Variants in SYTL5 observed in about 807,000 individuals in gnomAD.
SYTL5 encodes the protein synaptotagmin like 5.
In SYTL5, 34 loss-of-function variants were observed where a neutral mutation model predicts 55.9. That is an observed-to-expected ratio of 0.61 (90% confidence interval 0.46 to 0.81). The LOEUF is 0.81. SYTL5 is among the 30% of genes least tolerant of loss of function. SYTL5 has a pLI of 0.00. For synonymous variants in SYTL5, 221 were observed against 188.7 expected, an observed-to-expected ratio of 1.17 and a Z score of -1.40; for missense variants, 637 against 546.7, an observed-to-expected ratio of 1.17 and a Z score of -1.65.
In SYTL5 at chrX:38,089,203, C is replaced by T. The variant is rs193061221; in HGVS notation, c.690-243C>T. ...GAGAATGCTGGTAAGCAGAAGGAAA[C>T]AAAATCAGAAAGATGGGGTGAAGTT... On this transcript the variant is annotated intron_variant, in intron 6 of 16. Transcript: ENST00000297875. Among the ~76,000 whole-genome samples, 7 of 112,101 alleles carry T rather than the reference C, an allele frequency of 6.2e-5. No homozygotes were observed. The Admixed American group carries it at 6.6e-4, about 11-fold the overall frequency.
chrX:38,087,448 T>C (rs1296662583), intron 6 of SYTL5, among the ~76,000 whole-genome samples: 2 of 111,785 alleles, frequency 1.8e-5, no homozygotes, highest in Admixed American at 9.5e-5. Flanking sequence ...AGTGTATCAA[T>C]TTACTTAATC....
chrX:37,939,989 G>A, the SYTL5 span, among the ~76,000 whole-genome samples: 1 of 110,071 alleles, frequency 9.1e-6, no homozygotes, highest in Non-Finnish European at 1.9e-5. Flanking sequence ...GCGCCACCAT[G>A]CCCAGCTAAT....
At position 38,093,029 on chromosome X, in the gene SYTL5, T is replaced by C. The variant is rs373708836; in HGVS notation, c.832-1266T>C. On this transcript the variant is annotated intron_variant, in intron 7 of 16. Transcript: ENST00000297875. Reference sequence around the variant, plus strand: ...TCTTGCTTCATTAAAGGACTCCATGTGTGAACAACTTTTTGAAGAGGTGTT... The same window carrying C: ...TCTTGCTTCATTAAAGGACTCCATGCGTGAACAACTTTTTGAAGAGGTGTT... Among the ~76,000 whole-genome samples the C allele has an allele frequency of 2.7e-5, 3 of 112,095 alleles. No individual in the cohort carries two copies. The South Asian group carries it at 1.1e-3, about 42-fold the overall frequency.
At chrX:38,125,084 G>T (rs1937614458) in intron 15 of SYTL5, among the ~76,000 whole-genome samples, 1 of 111,695 alleles carries the variant, frequency 9.0e-6, no homozygotes, top group Admixed American at 9.5e-5. Flanking sequence ...TTTCAAGATG[G>T]AAGGAAGGAC....
chrX:38,074,123 C>G (rs754052767), intron 5 of SYTL5, among the ~76,000 whole-genome samples: 5 of 111,603 alleles, frequency 4.5e-5, no homozygotes, highest in Admixed American at 9.6e-5. Flanking sequence ...ACCATATTCC[C>G]TATTTAAAAT....
the SYTL5 span, among the ~76,000 whole-genome samples, chrX:37,890,048 G>A: frequency 9.0e-6 from 1 of 111,454 alleles, no homozygotes; most frequent in African/African-American, 3.3e-5. Flanking sequence ...AAGGCTGGAA[G>A]GTAACAAAAG....
chrX:37,996,781 T>C, the SYTL5 span, among the ~76,000 whole-genome samples: 21 of 111,652 alleles, frequency 1.9e-4, no homozygotes, highest in Non-Finnish European at 3.6e-4. Context: ...AGATCCTACA[T>C]GATGTAGCCT....
At chrX:37,915,990 CT>C in the SYTL5 span, among the ~76,000 whole-genome samples, 54 of 110,592 alleles carry the variant, frequency 4.9e-4, no homozygotes, top group African/African-American at 1.7e-3. Context: ...CCTCACAGAT[CT>C]TTTTTTTTAA....
chrX:38,027,849 G>T (rs1228159279), intron 1 of SYTL5, among the ~76,000 whole-genome samples: 2 of 99,202 alleles, frequency 2.0e-5, no homozygotes, highest in Non-Finnish European at 4.0e-5. Context: ...TTGAGATGGA[G>T]TTTCACTCTT....
At chrX:37,969,296 G>A in the SYTL5 span, among the ~76,000 whole-genome samples, 8 of 111,482 alleles carry the variant, frequency 7.2e-5, no homozygotes, top group African/African-American at 2.6e-4. Context: ...TAAATTACTG[G>A]AGAGTTTTCA....
chrX:38,120,567 C>G (rs1937560569), intron 14 of SYTL5, 101 bp downstream of exon 14: 1 of 616,617 alleles, frequency 1.6e-6, no homozygotes, highest in East Asian at 3.3e-5. Flanking sequence ...TCATATTACA[C>G]AAACAAAACA....
intron 1 of SYTL5, among the ~76,000 whole-genome samples, chrX:38,027,914 C>A (rs886270741): frequency 3.7e-5 from 4 of 108,776 alleles, no homozygotes; most frequent in Non-Finnish European, 7.6e-5. Flanking sequence ...ACCTCTGCCT[C>A]CCAGGTTCAA....
the SYTL5 span, among the ~76,000 whole-genome samples, chrX:37,968,016 T>C: frequency 9.1e-6 from 1 of 109,714 alleles, no homozygotes; most frequent in African/African-American, 3.3e-5. Context: ...GTACTTCTTA[T>C]ATTTTCTCTG....
chrX:37,955,203 T>A, the SYTL5 span, among the ~76,000 whole-genome samples: 5 of 111,667 alleles, frequency 4.5e-5, no homozygotes, highest in Admixed American at 1.9e-4. Flanking sequence ...TAAATGAGAT[T>A]ATAATTTATT....
chrX:38,025,883 A>C (rs1352061802), intron 1 of SYTL5, among the ~76,000 whole-genome samples: 1 of 112,130 alleles, frequency 8.9e-6, no homozygotes, highest in Non-Finnish European at 1.9e-5. Flanking sequence ...AAGGCTGAAA[A>C]ATTTGATTTG....
At chrX:37,905,802 T>G in the SYTL5 span, among the ~76,000 whole-genome samples, 14 of 112,678 alleles carry the variant, frequency 1.2e-4, no homozygotes, top group Admixed American at 3.7e-4. Flanking sequence ...GAAGGAGGCT[T>G]TCACCCCTTG....
intron 8 of SYTL5, among the ~76,000 whole-genome samples, chrX:38,094,899 T>C (rs1936889691): frequency 9.0e-6 from 1 of 111,666 alleles, no homozygotes; most frequent in African/African-American, 3.2e-5. Context: ...CCCCTTTCAT[T>C]TGCATGGTAC....
At chrX:38,044,588 C>A (rs1935403391) in intron 2 of SYTL5, among the ~76,000 whole-genome samples, 1 of 111,895 alleles carries the variant, frequency 8.9e-6, no homozygotes, top group East Asian at 2.8e-4. Context: ...AATTTTCTTC[C>A]ATCAAGTCAA....
At chrX:38,025,216 G>A (rs961533265) in intron 1 of SYTL5, among the ~76,000 whole-genome samples, 6 of 112,020 alleles carry the variant, frequency 5.4e-5, no homozygotes, top group African/African-American at 1.9e-4. Flanking sequence ...AATTTGTATT[G>A]TCACATGGTG....
Sources: allele counts gnomAD v4.1 joint callset (sites outside exome capture counted in the v4.1 genomes callset), GRCh38; gene constraint gnomAD v4.1.1; transcripts MANE v1.5; gene names NCBI Gene and HGNC (gene_info 2026-07-23, HGNC 2026-07-21).